The following AHR variants were observed in gnomAD, a reference collection of about 807,000 sequenced individuals.
The protein encoded by AHR is aryl hydrocarbon receptor.
A neutral mutation model predicts 86.8 loss-of-function variants in AHR; 40 were observed. The ratio of observed to expected loss-of-function variants is 0.46; its 90% confidence interval spans 0.36 to 0.60. The LOEUF is 0.60. AHR is among the 20% of genes least tolerant of loss of function. The pLI, the probability that AHR is intolerant of heterozygous loss-of-function variation, is 0.00. For missense variants in AHR, 1,001 were observed against 1,011.6 expected (o/e 0.99, Z 0.14); for synonymous variants, 398 against 354.9 (o/e 1.12, Z -1.37).
In AHR at chr7:17,309,945, A is replaced by T; in HGVS notation, c.75A>T (p.Pro25=). Residue 25 remains proline (P), a synonymous_variant, in exon 2 of 11, where the codon CCA becomes CCT. Coordinates refer to ENST00000242057, the MANE Select transcript of AHR (RefSeq NM_001621.5). ...TTTGTTTGTTTTTCAGAGTAAAGCC[A>T]ATCCCAGCTGAAGGAATCAAGTCAA... ...RRKPVQKTVK[P]IPAEGIKSNP... 6.3e-7 allele frequency: 1 copy of T among 1,579,776 alleles called. No individual in the cohort carries two copies. Among genetic ancestry groups the T allele is most frequent in the Non-Finnish European group, 8.7e-7 (1 of 1,155,454 alleles).
intron 2 of AHR, among the ~76,000 whole-genome samples, chr7:17,315,229 CA>C (rs1782103682): frequency 6.6e-6 from 1 of 151,874 alleles, no homozygotes; most frequent in Non-Finnish European, 1.5e-5. Flanking sequence ...CTCTTTGGTT[CA>C]GGAATTTAAT....
chr7:17,339,171 ACT>A lies in AHR; in HGVS notation c.1352_1353del (p.Leu451GlnfsTer3). 6.2e-7 allele frequency: 1 copy of A among 1,614,066 alleles called. No homozygotes were observed. The highest frequency in any genetic ancestry group is 8.5e-7 in the Non-Finnish European group (1 of 1,180,008). On this transcript the variant is annotated frameshift_variant, in exon 10 of 11. Transcript: ENST00000242057. Reference sequence around the variant, plus strand: ...GCTACCACATCCACTCTAAGCAAGGACTCTCTCAATCCTAGTTCCCTCCTGGC... The same window carrying A: ...GCTACCACATCCACTCTAAGCAAGGACTCTCAATCCTAGTTCCCTCCTGGC...
chr7:17,304,854 A>C (rs1164480778), intron 1 of AHR, among the ~76,000 whole-genome samples: 1 of 152,012 alleles, frequency 6.6e-6, no homozygotes, highest in Non-Finnish European at 1.5e-5. Context: ...TTTTTTGGTA[A>C]TGTTTTAGTG....
intron 1 of AHR, among the ~76,000 whole-genome samples, chr7:17,304,094 C>A (rs1781981951): frequency 6.6e-6 from 1 of 152,034 alleles, no homozygotes; most frequent in African/African-American, 2.4e-5. Context: ...CTTTTTACTT[C>A]TTTCTATTGA....
chr7:17,343,015 C>A lies in AHR; in HGVS notation c.2498C>A (p.Pro833Gln), dbSNP rs770650129. Residue 833 changes from proline to glutamine, a missense_variant, in exon 11 of 11, where the codon CCG (proline) becomes CAG (glutamine). Coordinates refer to ENST00000242057, the MANE Select transcript of AHR (RefSeq NM_001621.5). Reference protein sequence around the residue: ...TTTHLQPLHHPSEARPFPDLT... With the variant: ...TTTHLQPLHHQSEARPFPDLT... The stretch of plus-strand genomic sequence containing the variant: ...ACACATCTTCAGCCACTTCATCATC[C>A]GTCAGAAGCCAGACCTTTTCCTGAT... The A allele has an allele frequency of 1.2e-6, 2 of 1,613,746 alleles. No individual in the cohort carries two copies. Among genetic ancestry groups the A allele is most frequent in the Non-Finnish European group, 1.7e-6 (2 of 1,179,764 alleles).
chr7:17,319,005 G>A (rs1782143333), intron 2 of AHR, among the ~76,000 whole-genome samples: 1 of 152,088 alleles, frequency 6.6e-6, no homozygotes, highest in Non-Finnish European at 1.5e-5. Context: ...CTTGGGAGTG[G>A]CAGAGGCATG....
intron 2 of AHR, among the ~76,000 whole-genome samples, chr7:17,315,139 C>T (rs952371837): frequency 6.6e-6 from 1 of 151,912 alleles, no homozygotes; most frequent in African/African-American, 2.4e-5. Flanking sequence ...CAGATTTAAA[C>T]ATGAATAAAT....
At chr7:17,307,733 CT>C (rs1386229086) in intron 1 of AHR, among the ~76,000 whole-genome samples, 17 of 152,220 alleles carry the variant, frequency 1.1e-4, no homozygotes, top group Admixed American at 4.6e-4. Flanking sequence ...TCCCGGAATC[CT>C]AACTTCAGCG....
intron 2 of AHR, among the ~76,000 whole-genome samples, chr7:17,321,554 C>T (rs957071762): frequency 2.7e-5 from 4 of 150,838 alleles, no homozygotes; most frequent in Non-Finnish European, 5.9e-5. Flanking sequence ...TATTCAGCTG[C>T]GCTTCCTCCC....
chr7:17,322,637 C>T, intron 3 of AHR, 30 bp downstream of exon 3: 1 of 1,329,900 alleles, frequency 7.5e-7, no homozygotes, highest in Non-Finnish European at 1.1e-6. Context: ...GTTTCTTACA[C>T]TAAGGACAGT....
chr7:17,316,430 A>G (rs1782115777), intron 2 of AHR, among the ~76,000 whole-genome samples: 1 of 152,146 alleles, frequency 6.6e-6, no homozygotes, highest in Non-Finnish European at 1.5e-5. Context: ...ACCAGCCAGG[A>G]CAACGTAGTG....
chr7:17,317,683 C>T (rs534032785), intron 2 of AHR, among the ~76,000 whole-genome samples: 46 of 152,170 alleles, frequency 3.0e-4, no homozygotes, highest in African/African-American at 1.1e-3. Context: ...AAGCCCTATC[C>T]TAGACCTACT....
intron 4 of AHR, 31 bp from the exon 5 acceptor site, chr7:17,329,921 T>C: frequency 1.3e-6 from 2 of 1,580,090 alleles, no homozygotes; most frequent in Non-Finnish European, 1.7e-6. Flanking sequence ...ATCAGTCCTT[T>C]TGTTGTATTC....
intron 9 of AHR, 188 bp downstream of exon 9, chr7:17,335,974 C>A: frequency 1.8e-6 from 1 of 563,482 alleles, no homozygotes; most frequent in Admixed American, 3.5e-5. Context: ...TTGAGAGCTA[C>A]ATGTGCAGAG....
intron 2 of AHR, among the ~76,000 whole-genome samples, chr7:17,322,260 C>G (rs141676755): frequency 6.6e-6 from 1 of 152,098 alleles, no homozygotes; most frequent in African/African-American, 2.4e-5. Context: ...TTTTAACAAT[C>G]TGTCAGCTGA....
At position 17,334,786 on chromosome 7, in the gene AHR, A is replaced by G. The variant is rs548579736; in HGVS notation, c.909-101A>G. ...TGAAATTCTAAATGTGAACTAAAAC[A>G]TATTGCAGAAACTAGCGTAAAACCA... On this transcript the variant is annotated intron_variant, in intron 7 of 10. Transcript: ENST00000242057. The G allele has an allele frequency of 2.6e-5, 20 of 756,652 alleles. No homozygotes were observed. In the East Asian group the frequency reaches 4.9e-4, roughly 18 times the overall value. 46.9% of individuals were successfully genotyped at this position (756,652 alleles called of 1,614,324 possible).
At chr7:17,322,840 G>A (rs186266466) in intron 3 of AHR, among the ~76,000 whole-genome samples, 67 of 152,094 alleles carry the variant, frequency 4.4e-4, no homozygotes, top group African/African-American at 1.6e-3. Flanking sequence ...CAGTGGTCCC[G>A]TAAGATTATA....
intron 3 of AHR, among the ~76,000 whole-genome samples, chr7:17,325,652 T>C (rs1040137687): frequency 4.6e-5 from 7 of 152,152 alleles, no homozygotes; most frequent in African/African-American, 1.4e-4. Flanking sequence ...GGGACATGGA[T>C]GGAGCCGGAG....
At chr7:17,303,169 A>G (rs573718369) in intron 1 of AHR, among the ~76,000 whole-genome samples, 1 of 152,200 alleles carries the variant, frequency 6.6e-6, no homozygotes, top group South Asian at 2.1e-4. Context: ...TTATTCTGAT[A>G]CAAGCTTGCC....
Sources: gnomAD v4.1 joint callset for allele counts (sites outside exome capture counted in the v4.1 genomes callset) on GRCh38, gnomAD v4.1.1 for gene constraint, MANE v1.5 for transcripts, NCBI Gene and HGNC (gene_info 2026-07-23, HGNC 2026-07-21) for gene names.